Variants in ARMC8 observed in about 807,000 individuals in gnomAD.
ARMC8 encodes armadillo repeat containing 8, also known as armadillo repeat-containing protein 8.
In ARMC8, 20 loss-of-function variants were observed where a neutral mutation model predicts 99.3. The observed-to-expected ratio is 0.20, with a 90% CI of 0.14 to 0.29. ARMC8 has a LOEUF of 0.29. Among genes scored for constraint, ARMC8 ranks in the 10% least tolerant of loss-of-function variants. The pLI is 1.00. For missense variants in ARMC8, 569 were observed against 809.5 expected (o/e 0.70, Z 3.60); for synonymous variants, 263 against 278.3 (o/e 0.95, Z 0.55).
chr3:138,202,467 T>C (rs2044137556), intron 1 of ARMC8, among the ~76,000 whole-genome samples: 1 of 152,174 alleles, frequency 6.6e-6, no homozygotes, highest in Admixed American at 6.5e-5. Flanking sequence ...CTGAGGACTA[T>C]TAGTACCCTT....
At chr3:138,274,059 T>G (rs1319446311) in intron 17 of ARMC8, among the ~76,000 whole-genome samples, 1 of 152,082 alleles carries the variant, frequency 6.6e-6, no homozygotes, top group Non-Finnish European at 1.5e-5. Context: ...CTCAGGTGAT[T>G]GGCCCACCTC....
At chr3:138,207,610 T>G (rs1222902233) in intron 1 of ARMC8, among the ~76,000 whole-genome samples, 4 of 152,136 alleles carry the variant, frequency 2.6e-5, no homozygotes, top group Non-Finnish European at 5.9e-5. Context: ...CAGGAAAACA[T>G]GTACTCAAAT....
chr3:138,296,179 C>T lies in ARMC8; in HGVS notation c.*287C>T. ...TTTTCCTTTGGACCTACAATTTTTG[C>T]CTATGCTGCAGCCACTTTGTGAGTG... On this transcript the variant is annotated 3_prime_UTR_variant, in exon 22 of 22. Coordinates refer to ENST00000469044, the MANE Select transcript of ARMC8 (RefSeq NM_001363941.2). 1 of 333,392 alleles carries T rather than the reference C, an allele frequency of 3.0e-6. No individual in the cohort carries two copies. The highest frequency in any genetic ancestry group is 5.5e-6 in the Non-Finnish European group (1 of 180,898). 20.7% of individuals were successfully genotyped at this position (333,392 alleles called of 1,614,324 possible).
At chr3:138,207,066 G>T (rs939863590) in intron 1 of ARMC8, among the ~76,000 whole-genome samples, 1 of 152,164 alleles carries the variant, frequency 6.6e-6, no homozygotes, top group Admixed American at 6.5e-5. Flanking sequence ...GTTCTTTTCA[G>T]TGCCAGCAAC....
intron 1 of ARMC8, among the ~76,000 whole-genome samples, chr3:138,202,234 C>T (rs1392696575): frequency 1.3e-5 from 2 of 152,166 alleles, no homozygotes; most frequent in Non-Finnish European, 2.9e-5. Flanking sequence ...TTTAAACATT[C>T]ATTTCGTCTG....
At chr3:138,233,721 C>T (rs930236292) in intron 6 of ARMC8, among the ~76,000 whole-genome samples, 2 of 152,182 alleles carry the variant, frequency 1.3e-5, no homozygotes, top group African/African-American at 4.8e-5. Flanking sequence ...CGAGCATCTT[C>T]ATGACAGTTG....
intron 21 of ARMC8, among the ~76,000 whole-genome samples, chr3:138,295,588 G>A (rs1180241056): frequency 1.3e-5 from 2 of 152,212 alleles, no homozygotes; most frequent in Admixed American, 1.3e-4. Flanking sequence ...ACATACCAGG[G>A]ACTGTGGAAT....
intron 1 of ARMC8, among the ~76,000 whole-genome samples, chr3:138,194,124 C>G (rs2043556782): frequency 6.6e-6 from 1 of 151,364 alleles, no homozygotes; most frequent in Admixed American, 6.6e-5. Context: ...CTCACTGCAA[C>G]CTCCGCCTCC....
intron 18 of ARMC8, among the ~76,000 whole-genome samples, chr3:138,284,036 T>C (rs1318317985): frequency 6.6e-6 from 1 of 152,164 alleles, no homozygotes; most frequent in East Asian, 1.9e-4. Context: ...CCTACAGAGC[T>C]TCCACCAAAG....
intron 19 of ARMC8, among the ~76,000 whole-genome samples, chr3:138,286,685 A>AT (rs975926217): frequency 7.3e-5 from 11 of 151,600 alleles, no homozygotes; most frequent in East Asian, 1.9e-4. Flanking sequence ...GGGCATCAGG[A>AT]TTTTTTTTTA....
intron 17 of ARMC8, 151 bp from the exon 18 acceptor site, chr3:138,274,298 A>G (rs1381436258): frequency 1.7e-6 from 1 of 584,032 alleles, no homozygotes; most frequent in South Asian, 2.1e-5. Context: ...TTCAAAATAT[A>G]ATAAACACTG....
At chr3:138,269,647 T>C (rs1041995867) in intron 15 of ARMC8, among the ~76,000 whole-genome samples, 7 of 152,134 alleles carry the variant, frequency 4.6e-5, no homozygotes, top group African/African-American at 1.4e-4. Flanking sequence ...ATGCACAAGA[T>C]GTACACATAA....
chr3:138,210,522 T>C (rs1247996886), intron 2 of ARMC8, among the ~76,000 whole-genome samples: 2 of 152,184 alleles, frequency 1.3e-5, no homozygotes, highest in East Asian at 3.9e-4. Flanking sequence ...ATTATCATAC[T>C]CTTAGCGCAT....
intron 3 of ARMC8, among the ~76,000 whole-genome samples, chr3:138,222,467 T>C (rs2045456405): frequency 6.6e-6 from 1 of 152,236 alleles, no homozygotes; most frequent in Non-Finnish European, 1.5e-5. Flanking sequence ...GTAAGAAGTT[T>C]AGGAAGTTTA....
At chr3:138,197,922 A>G (rs1039737716) in intron 1 of ARMC8, among the ~76,000 whole-genome samples, 2 of 152,258 alleles carry the variant, frequency 1.3e-5, no homozygotes, top group African/African-American at 2.4e-5. Context: ...AAAACATCAT[A>G]GTACTTGATT....
chr3:138,229,179 TA>T, intron 6 of ARMC8, 169 bp downstream of exon 6: 1 of 26,594 alleles, frequency 3.8e-5, no homozygotes, highest in African/African-American at 1.4e-4. Context: ...TATATATATA[TA>T]TATGTATATG....
Position 138,222,011 on chromosome 3 carries a change from C to G in ARMC8, c.194+14C>G. On this transcript the variant is annotated intron_variant, in intron 3 of 21. Transcript: ENST00000469044. ...AGCTGTTCCAAGGTATGTTTGCTGT[C>G]TCACCCCTTTCTTGCCATTCATACT... 1 of 1,606,018 alleles carries G rather than the reference C, an allele frequency of 6.2e-7. No individual in the cohort carries two copies. The highest frequency in any genetic ancestry group is 8.5e-7 in the Non-Finnish European group (1 of 1,173,282).
rs776006379 is a variant in ARMC8 at position 138,235,129 on chromosome 3, A to C, written c.609+15A>C. ...TGTCCTACAAAGTAAGATGTTAAAAATTGTGGCCAGATTTGTATACCTTGT... is the reference window on the plus strand; with the variant it reads ...TGTCCTACAAAGTAAGATGTTAAAACTTGTGGCCAGATTTGTATACCTTGT... On this transcript the variant is annotated intron_variant, in intron 7 of 21. Coordinates refer to ENST00000469044, the MANE Select transcript of ARMC8 (RefSeq NM_001363941.2). 1 of 1,591,056 alleles carries C rather than the reference A, an allele frequency of 6.3e-7. No homozygotes were observed. Among genetic ancestry groups the C allele is most frequent in the Admixed American group, 1.7e-5 (1 of 59,792 alleles).
rs1362395913 is a variant in ARMC8 at position 138,284,479 on chromosome 3, C to T, written c.1774C>T (p.Leu592Phe). 1.2e-6 allele frequency: 2 copies of T among 1,613,806 alleles called. No homozygotes were observed. ...NIADGTTAKD[L>F]IMTNDDILQK... ...AGCGGATGGGACAACAGCAAAAGAT[C>T]TTATTATGACCAATGATGATATCCT... The change falls in exon 19 of 22, where the codon CTT becomes TTT. Residue 592 changes from leucine to phenylalanine, a missense_variant. Physicochemically the swap from Leu to Phe is conservative, Grantham distance 22. Around this residue, in one of 2 missense-constraint regions of ARMC8, gnomAD observed 227 missense variants for 417.9 expected, o/e 0.54. Coordinates refer to ENST00000469044, the MANE Select transcript of ARMC8 (RefSeq NM_001363941.2).
Sources: gnomAD v4.1 joint callset for allele counts (sites outside exome capture counted in the v4.1 genomes callset) on GRCh38, gnomAD v4.1.1 for gene constraint, gnomAD v4.1.1 regional missense constraint, MANE v1.5 for transcripts, NCBI Gene and HGNC (gene_info 2026-07-23, HGNC 2026-07-21) for gene names.